The following BSN variants were observed in gnomAD, a reference collection of about 807,000 sequenced individuals.
BSN encodes bassoon presynaptic cytomatrix protein.
BSN carries 57 observed loss-of-function variants against 264.8 expected under a neutral mutation model. That is an observed-to-expected ratio of 0.22 (90% confidence interval 0.17 to 0.27). BSN has a LOEUF of 0.27. BSN is among the 10% of genes least tolerant of loss of function. The pLI, the probability that BSN is intolerant of heterozygous loss-of-function variation, is 1.00. For synonymous variants in BSN, 2,059 were observed against 2,137.3 expected (o/e 0.96, Z 1.01); for missense variants, 4,615 against 5,232.5 (o/e 0.88, Z 3.64).
chr3:49,602,692 C>T (rs541478672), intron 1 of BSN, among the ~76,000 whole-genome samples: 9 of 152,164 alleles, frequency 5.9e-5, no homozygotes, highest in Admixed American at 2.6e-4. Flanking sequence ...GTGATCCATC[C>T]GCTTGGCCTC....
chr3:49,672,741 A>G (rs553240294), downstream of BSN, among the ~76,000 whole-genome samples: 109 of 150,532 alleles, frequency 7.2e-4, 2 homozygotes, highest in African/African-American at 2.6e-3. Flanking sequence ...TCAGCCTCCC[A>G]AAGTGCTAGG....
chr3:49,606,683 C>T (rs1433769783), intron 1 of BSN, among the ~76,000 whole-genome samples: 1 of 152,058 alleles, frequency 6.6e-6, no homozygotes, highest in Non-Finnish European at 1.5e-5. Context: ...TTCCACCTCC[C>T]CCTTTTGTAT....
At chr3:49,588,076 C>T (rs2051950299) in intron 1 of BSN, among the ~76,000 whole-genome samples, 1 of 151,878 alleles carries the variant, frequency 6.6e-6, no homozygotes, top group African/African-American at 2.4e-5. Flanking sequence ...CGCCTGCTAC[C>T]ACGCCCGGCT....
At chr3:49,569,464 A>C (rs1034671727) in intron 1 of BSN, among the ~76,000 whole-genome samples, 7 of 152,208 alleles carry the variant, frequency 4.6e-5, no homozygotes, top group Admixed American at 4.6e-4. Flanking sequence ...GTCAGGTTCC[A>C]TGCCCAGGGC....
intron 3 of BSN, among the ~76,000 whole-genome samples, chr3:49,648,901 G>A (rs984112193): frequency 2.0e-5 from 3 of 152,238 alleles, no homozygotes; most frequent in African/African-American, 7.2e-5. Flanking sequence ...TGGGACTTGT[G>A]CATGAGGTTG....
rs1325925635 is a variant in BSN, at chr3:49,638,397, G to A, written c.634-3871G>A. The stretch of plus-strand genomic sequence containing the variant: ...CCCTGAGTGTGGGGATAGGGGCCTT[G>A]CAGTATGGAGGAAGAGACTGAGGTT... On this transcript the variant is annotated intron_variant, in intron 2 of 11. Coordinates refer to ENST00000296452, the MANE Select transcript of BSN (RefSeq NM_003458.4). The surrounding 1 kb of genome is among the most constrained non-coding windows in gnomAD (Gnocchi z 4.3). 6.6e-6 allele frequency among the ~76,000 whole-genome samples: 1 copy of A among 152,210 alleles called. No individual in the cohort carries two copies.
In BSN at chr3:49,656,520, G is replaced by T; in HGVS notation, c.6964G>T (p.Ala2322Ser). The stretch of plus-strand genomic sequence containing the variant: ...AACCACCCCTGCTGCCATCAAGGAG[G>T]CTGCAGGAGCCCCAGCTCCTGCCCC... ...PTTTPAAIKE[A>S]AGAPAPAPLA... Residue 2322 changes from alanine (A) to serine (S), a missense_variant, in exon 5 of 12, where the codon GCT becomes TCT. Around this residue, in one of 3 missense-constraint regions of BSN, gnomAD observed 3,415 missense variants for 3,866.4 expected, o/e 0.88. Coordinates refer to ENST00000296452, the MANE Select transcript of BSN (RefSeq NM_003458.4). The T allele has an allele frequency of 6.3e-7, 1 of 1,575,816 alleles. No homozygotes were observed. Among genetic ancestry groups the T allele is most frequent in the Non-Finnish European group, 8.6e-7 (1 of 1,160,336 alleles).
Position 49,652,255 on chromosome 3 carries a change from A to T in BSN, c.2699A>T (p.Asn900Ile). 6.2e-7 allele frequency: 1 copy of T among 1,604,258 alleles called. No homozygotes were observed. Among genetic ancestry groups the T allele is most frequent in the Non-Finnish European group, 8.5e-7 (1 of 1,174,392 alleles). ...AALPKRRLPH[N>I]ATTGYEELLP... ...CTGCCCAAGAGGCGCCTGCCCCACA[A>T]TGCCACCACGGGCTATGAGGAGCTG... Residue 900 changes from asparagine (N) to isoleucine (I), a missense_variant, in exon 5 of 12, where the codon AAT (asparagine) becomes ATT (isoleucine). Around this residue, in one of 3 missense-constraint regions of BSN, gnomAD observed 1,197 missense variants for 1,348.0 expected, o/e 0.89. Transcript: ENST00000296452.
chr3:49,575,420 A>ATATATATGTAAATATATATG (rs1559595656), intron 1 of BSN, among the ~76,000 whole-genome samples: 8 of 147,130 alleles, frequency 5.4e-5, no homozygotes, highest in African/African-American at 1.5e-4. Flanking sequence ...AAATATATAT[A>ATATATATGTAAATATATATG]TGTGTATATA....
intron 1 of BSN, among the ~76,000 whole-genome samples, chr3:49,568,480 AT>A (rs1254418576): frequency 2.6e-5 from 4 of 151,968 alleles, no homozygotes; most frequent in Non-Finnish European, 5.9e-5. Flanking sequence ...TTTTTATCAG[AT>A]TTTTCCCACT....
chr3:49,647,516 C>T (rs889356554), intron 3 of BSN, among the ~76,000 whole-genome samples: 1 of 152,162 alleles, frequency 6.6e-6, no homozygotes, highest in African/African-American at 2.4e-5. Flanking sequence ...AAGGGGTAAG[C>T]AGGCAGCACT....
At chr3:49,577,571 G>A (rs1227109500) in intron 1 of BSN, among the ~76,000 whole-genome samples, 6 of 146,790 alleles carry the variant, frequency 4.1e-5, no homozygotes, top group African/African-American at 1.3e-4. Context: ...ACAGAGTCTC[G>A]CACTGTCGCC....
intron 1 of BSN, among the ~76,000 whole-genome samples, chr3:49,592,146 C>G (rs1372042137): frequency 1.3e-5 from 2 of 151,730 alleles, no homozygotes; most frequent in Admixed American, 1.3e-4. Flanking sequence ...GAGTCTCACT[C>G]TGTCCCATGC....
Position 49,651,286 on chromosome 3 carries a change from C to T in BSN, c.1986+207C>T, listed in dbSNP as rs2052539654. 2 of 635,836 alleles carry T rather than the reference C, an allele frequency of 3.1e-6. No homozygotes were observed. The highest frequency in any genetic ancestry group is 2.6e-6 in the Non-Finnish European group (1 of 381,554). 39.4% of individuals were successfully genotyped at this position (635,836 alleles called of 1,614,324 possible). A position where few individuals can be genotyped will look rare whatever the true frequency, so the allele number is the denominator to read the frequency against. On this transcript the variant is annotated intron_variant, in intron 4 of 11. Transcript: ENST00000296452. This position sits in a 1 kb window ranked among gnomAD's most constrained non-coding sequence, Gnocchi z 5.4. Reference sequence around the variant, plus strand: ...TTTTACACTGGTGCTGTGTCTGGCACCTTGTCAGATGCTTTGCTGGGTTTT... The same window carrying T: ...TTTTACACTGGTGCTGTGTCTGGCATCTTGTCAGATGCTTTGCTGGGTTTT...
chr3:49,644,954 C>T (rs767994652), intron 3 of BSN, among the ~76,000 whole-genome samples: 5 of 152,222 alleles, frequency 3.3e-5, no homozygotes, highest in South Asian at 2.1e-4. Context: ...CTAGATGAAA[C>T]GTCTGGATTC....
At chr3:49,639,223 G>A (rs1340189964) in intron 2 of BSN, among the ~76,000 whole-genome samples, 4 of 135,104 alleles carry the variant, frequency 3.0e-5, no homozygotes, top group African/African-American at 8.4e-5. Flanking sequence ...TTTTGAGACA[G>A]AGTCTCGCTC....
Position 49,655,280 on chromosome 3 carries a change from C to G in BSN, c.5724C>G (p.Pro1908=), listed in dbSNP as rs1047764119. The change falls in exon 5 of 12, where the codon CCC becomes CCG. Residue 1908 remains proline (P), a synonymous_variant. Transcript: ENST00000296452. ...GCTGTGACATGGTCTACAAGCTCCC[C>G]TTTGGCAGCAGCTGCACTGGCACCT... is the stretch of plus-strand genomic sequence containing the variant. ...LACCDMVYKL[P]FGSSCTGTFH... is the part of the protein sequence containing the mutation. 5 of 1,612,906 alleles carry G rather than the reference C, an allele frequency of 3.1e-6. No individual in the cohort carries two copies. In the African/African-American group the frequency reaches 6.7e-5, roughly 22 times the overall value.
At position 49,590,714 on chromosome 3, in the gene BSN, C is replaced by T. The variant is rs537821204; in HGVS notation, c.225-34261C>T. 2.7e-5 allele frequency among the ~76,000 whole-genome samples: 4 copies of T among 149,170 alleles called. No homozygotes were observed. In the South Asian group the frequency reaches 8.4e-4, roughly 31 times the overall value. On this transcript the variant is annotated intron_variant, in intron 1 of 11. Transcript: ENST00000296452. ...ATTATATCTACATATGTTATAAACC[C>T]AATAAAGCATAATAATTATTACACA...
At position 49,660,543 on chromosome 3, in the gene BSN, C is replaced by T. The variant is rs756656041; in HGVS notation, c.8698C>T (p.Pro2900Ser). Residue 2900 changes from proline to serine, a missense_variant, in exon 6 of 12, where the codon CCC becomes TCC. Pro to Ser is a moderately conservative substitution (Grantham distance 74). This residue lies in a region of BSN where 3,415 missense variants were observed against 3,866.4 expected (regional missense o/e 0.88). Transcript: ENST00000296452. This position sits in a 1 kb window ranked among gnomAD's most constrained non-coding sequence, Gnocchi z 7.1. ...CAAGGTGAAGCGGACACTGCCCAGC[C>T]CCCCTCCAGAGGAGGCTCACCTTCC... ...VRKVKRTLPSPPPEEAHLPLA... is the reference protein window; with the variant it reads ...VRKVKRTLPSSPPEEAHLPLA... The T allele has an allele frequency of 1.9e-6, 3 of 1,576,926 alleles. No homozygotes were observed. Among genetic ancestry groups the T allele is most frequent in the Admixed American group, 1.8e-5 (1 of 56,652 alleles).
Sources: allele counts gnomAD v4.1 joint callset (sites outside exome capture counted in the v4.1 genomes callset), GRCh38; gene constraint gnomAD v4.1.1; regional missense constraint gnomAD v4.1.1; non-coding constraint Gnocchi (gnomAD v3.1); transcripts MANE v1.5; gene names NCBI Gene and HGNC (gene_info 2026-07-23, HGNC 2026-07-21).